DUOX1: variants seen among roughly 807,000 people sequenced by gnomAD.
DUOX1 encodes dual oxidase 1, also known as NADPH thyroid oxidase 1.
DUOX1 carries 134 observed loss-of-function variants against 181.8 expected under a neutral mutation model. That is an observed-to-expected ratio of 0.74 (90% CI 0.64 to 0.85). DUOX1 has a LOEUF of 0.85. DUOX1 is among the 40% of genes least tolerant of loss of function. The probability of loss-of-function intolerance (pLI) is 0.00; values close to 1 mark genes in which losing one functional copy is unlikely to be tolerated. For missense variants in DUOX1, 1,814 were observed against 2,064.4 expected (o/e 0.88, Z 2.35); for synonymous variants, 798 against 832.5 (o/e 0.96, Z 0.71).
Position 45,137,956 on chromosome 15 carries a change from A to G in DUOX1, c.1055A>G (p.Asn352Ser). ...NASCHFQGVI[N>S]RNSSVSRALR... The stretch of plus-strand genomic sequence containing the variant: ...AGCTGCCACTTCCAGGGGGTCATCA[A>G]TCGGAACTCAAGTGTCTCCAGAGCT... Residue 352 changes from asparagine to serine, a missense_variant, in exon 10 of 34, where the codon AAT (asparagine) becomes AGT (serine). By Grantham distance (46) the Asn-to-Ser change is conservative. This residue lies in a region of DUOX1 where 1,064 missense variants were observed against 1,152.9 expected (regional missense o/e 0.92). Transcript: ENST00000389037. 2.5e-6 allele frequency: 4 copies of G among 1,609,884 alleles called. No homozygotes were observed. The highest frequency in any genetic ancestry group is 1.3e-5 in the African/African-American group (1 of 74,818).
intron 18 of DUOX1, among the ~76,000 whole-genome samples, chr15:45,146,342 G>A (rs1196418489): frequency 6.6e-6 from 1 of 152,202 alleles, no homozygotes. Flanking sequence ...AGTTGAACTT[G>A]AATATGTACA....
Position 45,148,687 on chromosome 15 carries a change from A to C in DUOX1, c.2818+240A>C, listed in dbSNP as rs566632215. The C allele has an allele frequency of 2.2e-4, 46 of 208,746 alleles. No homozygotes were observed. The South Asian group carries it at 7.1e-3, about 32-fold the overall frequency. The allele number at this position is 208,746 out of a possible 1,614,324, so 12.9% of individuals were successfully genotyped here. A position where few individuals can be genotyped will look rare whatever the true frequency, so the allele number is the denominator to read the frequency against. Reference sequence around the variant, plus strand: ...TTTTTATGGAGGAAAGGACCCAAAAAGGTGAAAGTGCCTAGGGCCCAGGAA... The same window carrying C: ...TTTTTATGGAGGAAAGGACCCAAAACGGTGAAAGTGCCTAGGGCCCAGGAA... On this transcript the variant is annotated intron_variant, in intron 21 of 33. Coordinates refer to ENST00000389037, the MANE Select transcript of DUOX1 (RefSeq NM_175940.3).
At chr15:45,154,240 G>A (rs1473501496) in intron 27 of DUOX1, among the ~76,000 whole-genome samples, 3 of 152,170 alleles carry the variant, frequency 2.0e-5, no homozygotes, top group African/African-American at 7.2e-5. Flanking sequence ...TCCTTCTCTA[G>A]TAGGGTTAGG....
chr15:45,151,174 G>A lies in DUOX1; in HGVS notation c.2940G>A (p.Glu980=). 6.2e-7 allele frequency: 1 copy of A among 1,614,208 alleles called. No individual in the cohort carries two copies. Among genetic ancestry groups the A allele is most frequent in the Middle Eastern group, 1.6e-4 (1 of 6,062 alleles). Residue 980 remains glutamate, a synonymous_variant, in exon 23 of 34, where the codon GAG becomes GAA. Transcript: ENST00000389037. ...GTTCCCGCAGCGACATTGAGACTGAGTTGACACCTCAGAGACTGCAGTGCC... is the reference window on the plus strand; with the variant it reads ...GTTCCCGCAGCGACATTGAGACTGAATTGACACCTCAGAGACTGCAGTGCC... ...ARCSRSDIET[E]LTPQRLQCPM...
intron 28 of DUOX1, among the ~76,000 whole-genome samples, chr15:45,156,683 G>A (rs1049767253): frequency 3.9e-5 from 6 of 152,044 alleles, no homozygotes; most frequent in Non-Finnish European, 5.9e-5. Context: ...CACCCACCTC[G>A]GCCTCCCAAA....
In DUOX1 at chr15:45,144,960, G is replaced by C; in HGVS notation, c.2202G>C (p.Lys734Asn). Reference sequence around the variant, plus strand: ...TGGAAAATCTCCGGGGAGCTCTGAAGGAGAGCGGGTTGAGCATCCAGGAGT... The same window carrying C: ...TGGAAAATCTCCGGGGAGCTCTGAACGAGAGCGGGTTGAGCATCCAGGAGT... ...ALVENLRGAL[K>N]ESGLSIQEWE... is the part of the protein sequence containing the mutation. The change falls in exon 18 of 34, where the codon AAG becomes AAC. Residue 734 changes from lysine to asparagine, a missense_variant. By Grantham distance (94) the Lys-to-Asn change is moderately conservative. This residue lies in a region of DUOX1 where 1,064 missense variants were observed against 1,152.9 expected (regional missense o/e 0.92). Coordinates refer to ENST00000389037, the MANE Select transcript of DUOX1 (RefSeq NM_175940.3). 1 of 1,613,838 alleles carries C rather than the reference G, an allele frequency of 6.2e-7. No homozygotes were observed.
intron 23 of DUOX1, 29 bp downstream of exon 23, chr15:45,151,277 G>A (rs1436196466): frequency 2.5e-6 from 4 of 1,607,344 alleles, no homozygotes; most frequent in Admixed American, 1.7e-5. Context: ...TTAAGCCCAG[G>A]CAGTTCATCC....
rs988215607 is a variant in DUOX1, at chr15:45,144,969, G to C, written c.2211G>C (p.Gly737=). ...TCCGGGGAGCTCTGAAGGAGAGCGGGTTGAGCATCCAGGAGTGGGAGCTGC... is the reference window on the plus strand; with the variant it reads ...TCCGGGGAGCTCTGAAGGAGAGCGGCTTGAGCATCCAGGAGTGGGAGCTGC... ...ENLRGALKES[G]LSIQEWELRE... Residue 737 remains glycine (G), a synonymous_variant, in exon 18 of 34, where the codon GGG becomes GGC. Coordinates refer to ENST00000389037, the MANE Select transcript of DUOX1 (RefSeq NM_175940.3). 1 of 1,614,138 alleles carries C rather than the reference G, an allele frequency of 6.2e-7. No individual in the cohort carries two copies. Among genetic ancestry groups the C allele is most frequent in the Admixed American group, 1.7e-5 (1 of 60,020 alleles).
chr15:45,139,647 C>T lies in DUOX1; in HGVS notation c.1389+48C>T, dbSNP rs201362445. 7.9e-4 allele frequency: 1,186 copies of T among 1,501,750 alleles called. 1 individual carries two copies. Among genetic ancestry groups the T allele is most frequent in the Admixed American group, 1.4e-3 (60 of 41,892 alleles). 93.0% of individuals were successfully genotyped at this position (1,501,750 alleles called of 1,614,324 possible). A position where few individuals can be genotyped will look rare whatever the true frequency, so the allele number is the denominator to read the frequency against. ...AGGGTAGGGCGGGAGGGACAAGGCACGTGGGCCTGAGACATGGAAGATAGG... is the reference window on the plus strand; with the variant it reads ...AGGGTAGGGCGGGAGGGACAAGGCATGTGGGCCTGAGACATGGAAGATAGG... On this transcript the variant is annotated intron_variant, in intron 12 of 33. Transcript: ENST00000389037.
chr15:45,135,526 A>C lies in DUOX1; in HGVS notation c.548A>C (p.His183Pro). Residue 183 changes from histidine (H) to proline (P), a missense_variant, in exon 6 of 34, where the codon CAT becomes CCT. Transcript: ENST00000389037. The stretch of plus-strand genomic sequence containing the variant: ...GGCAGCGCCATCTATGGTTCCTCGC[A>C]TTCCTGGAGCGACGCGCTGCGGAGC... ...LDGSAIYGSS[H>P]SWSDALRSFS... The C allele has an allele frequency of 1.9e-6, 3 of 1,560,350 alleles. No individual in the cohort carries two copies. Among genetic ancestry groups the C allele is most frequent in the Non-Finnish European group, 2.6e-6 (3 of 1,153,790 alleles).
In DUOX1 at chr15:45,131,929, T is replaced by G. The variant is rs751210087; in HGVS notation, c.-38T>G. The G allele has an allele frequency of 3.1e-6, 5 of 1,607,430 alleles. No homozygotes were observed. ...CTGTCTTTTTCTAGGGTCTCCATTT[T>G]GGGACATTCTAATCCCTGAGCCCCT... On this transcript the variant is annotated 5_prime_UTR_variant, in exon 2 of 34. Transcript: ENST00000389037.
At chr15:45,142,455 G>A (rs1047361390) in intron 15 of DUOX1, among the ~76,000 whole-genome samples, 4 of 152,164 alleles carry the variant, frequency 2.6e-5, no homozygotes, top group Admixed American at 2.6e-4. Context: ...ACGGGGCGCG[G>A]TGGCTCATGC....
intron 4 of DUOX1, among the ~76,000 whole-genome samples, 173 bp from the exon 5 acceptor site, chr15:45,134,931 G>C (rs1019438742): frequency 1.3e-5 from 2 of 152,298 alleles, no homozygotes; most frequent in South Asian, 2.1e-4. Context: ...AGGCACAGAG[G>C]GACAGAAGAG....
At chr15:45,132,538 C>T (rs535188732) in intron 2 of DUOX1, among the ~76,000 whole-genome samples, 3 of 152,278 alleles carry the variant, frequency 2.0e-5, no homozygotes, top group South Asian at 2.1e-4. Context: ...CTCTGCAGTC[C>T]GGATCTCTGT....
In DUOX1 at chr15:45,165,503, T is replaced by A. The variant is rs1897208110; in HGVS notation, c.*602T>A. Reference sequence around the variant, plus strand: ...TCATCAGACCCTGGCCCAATACCTATGTATGCAATGCTCCTCAGCCCTCTT... The same window carrying A: ...TCATCAGACCCTGGCCCAATACCTAAGTATGCAATGCTCCTCAGCCCTCTT... On this transcript the variant is annotated 3_prime_UTR_variant, in exon 34 of 34. Coordinates refer to ENST00000389037, the MANE Select transcript of DUOX1 (RefSeq NM_175940.3). 6.5e-6 allele frequency: 1 copy of A among 153,072 alleles called. No homozygotes were observed. Among genetic ancestry groups the A allele is most frequent in the African/African-American group, 2.4e-5 (1 of 41,584 alleles). The allele number at this position is 153,072 out of a possible 1,614,324, so 9.5% of individuals were successfully genotyped here.
Position 45,160,992 on chromosome 15 carries a change from T to C in DUOX1, c.3856+2T>C, listed in dbSNP as rs1193770524. 4 of 1,613,876 alleles carry C rather than the reference T, an allele frequency of 2.5e-6. No individual in the cohort carries two copies. The highest frequency in any genetic ancestry group is 3.4e-6 in the Non-Finnish European group (4 of 1,179,988). On this transcript the variant is annotated splice_donor_variant, in intron 29 of 33. Coordinates refer to ENST00000389037, the MANE Select transcript of DUOX1 (RefSeq NM_175940.3). LOFTEE classifies it high-confidence loss of function. ...TGAAGGCGGAGCTGCTGCCCTCAGG[T>C]ACCAGCCTGGCAGGAGATCAGCTTG...
Position 45,132,215 on chromosome 15 carries a change from C to G in DUOX1, c.58+191C>G, listed in dbSNP as rs527527588. On this transcript the variant is annotated intron_variant, in intron 2 of 33. Coordinates refer to ENST00000389037, the MANE Select transcript of DUOX1 (RefSeq NM_175940.3). ...GATGGATAATGGAATGAAAATTATCCCCAAATACACAGAATTAGGGAGCCT... is the reference window on the plus strand; with the variant it reads ...GATGGATAATGGAATGAAAATTATCGCCAAATACACAGAATTAGGGAGCCT... Among the ~76,000 whole-genome samples the G allele has an allele frequency of 2.2e-4, 34 of 152,298 alleles. No homozygotes were observed. In the South Asian group the frequency reaches 6.6e-3, roughly 30 times the overall value.
intron 3 of DUOX1, 40 bp downstream of exon 3, chr15:45,133,987 G>A (rs757842170): frequency 4.4e-6 from 7 of 1,605,410 alleles, no homozygotes; most frequent in Non-Finnish European, 5.1e-6. Context: ...CCAGGGCCAG[G>A]GGGGTACTGA....
intron 25 of DUOX1, 113 bp downstream of exon 25, chr15:45,152,629 C>T: frequency 9.3e-7 from 1 of 1,073,552 alleles, no homozygotes; most frequent in Non-Finnish European, 1.4e-6. Flanking sequence ...CCTTCTCCAT[C>T]AGGATGGAGT....
Sources: gnomAD v4.1 joint callset for allele counts (sites outside exome capture counted in the v4.1 genomes callset) on GRCh38, gnomAD v4.1.1 for gene constraint, gnomAD v4.1.1 regional missense constraint, MANE v1.5 for transcripts, NCBI Gene and HGNC (gene_info 2026-07-23, HGNC 2026-07-21) for gene names.